Variants in GORASP2 observed in about 807,000 individuals in gnomAD.
GORASP2 encodes Golgi reassembly-stacking protein 2.
Under a neutral mutation model 45.7 loss-of-function variants are expected in GORASP2, and 22 were observed. The ratio of observed to expected loss-of-function variants is 0.48; its 90% CI spans 0.34 to 0.69. The LOEUF is 0.69. Ranked by LOEUF, GORASP2 falls within the 30% of genes least tolerant of loss-of-function variation. The pLI, the probability that GORASP2 is intolerant of heterozygous loss-of-function variation, is 0.01. For missense variants in GORASP2, 491 were observed against 562.7 expected, an observed-to-expected ratio of 0.87 and a Z score of 1.29; for synonymous variants, 221 against 215.6, an observed-to-expected ratio of 1.02 and a Z score of -0.22.
chr2:170,953,408 A>G (rs1704348046), intron 5 of GORASP2, among the ~76,000 whole-genome samples: 1 of 152,122 alleles, frequency 6.6e-6, no homozygotes. Context: ...GAAGTTGGCT[A>G]CTGCCTGCTC....
chr2:170,929,443 G>T, intron 1 of GORASP2, 40 bp downstream of exon 1: 1 of 1,324,494 alleles, frequency 7.6e-7, no homozygotes. Flanking sequence ...GCGGGCTGGA[G>T]GCGGGGCCGG....
chr2:170,966,277 TG>T lies in GORASP2; in HGVS notation c.*150del. 1.5e-6 allele frequency: 1 copy of T among 665,344 alleles called. No homozygotes were observed. The highest frequency in any genetic ancestry group is 2.7e-6 in the Non-Finnish European group (1 of 376,260). The allele number at this position is 665,344 out of a possible 1,614,324, so 41.2% of individuals were successfully genotyped here. On this transcript the variant is annotated 3_prime_UTR_variant, in exon 10 of 10. Coordinates refer to ENST00000234160, the MANE Select transcript of GORASP2 (RefSeq NM_015530.5). ...CCAAGGGGAAAACTAAACGAGGACG[TG>T]GGTTGTATCCTGCCAGGTTGAGTGG...
At position 170,936,404 on chromosome 2, in the gene GORASP2, G is replaced by A. The variant is rs964863115; in HGVS notation, c.63+7001G>A. On this transcript the variant is annotated intron_variant, in intron 1 of 9. Coordinates refer to ENST00000234160, the MANE Select transcript of GORASP2 (RefSeq NM_015530.5). ...GTCTAGCCAATTTTAAAATTTTTTTGTAGAGAGATCTTTCTATGTTGCCCA... is the reference window on the plus strand; with the variant it reads ...GTCTAGCCAATTTTAAAATTTTTTTATAGAGAGATCTTTCTATGTTGCCCA... Among the ~76,000 whole-genome samples the A allele has an allele frequency of 2.6e-5, 4 of 151,724 alleles. No individual in the cohort carries two copies. In the East Asian group the frequency reaches 5.8e-4, roughly 22 times the overall value.
chr2:170,931,518 A>G (rs1448681022), intron 1 of GORASP2, among the ~76,000 whole-genome samples: 2 of 152,214 alleles, frequency 1.3e-5, no homozygotes, highest in Non-Finnish European at 2.9e-5. Context: ...CCCATATTCA[A>G]CAAGTTCTAG....
At chr2:170,934,324 G>A (rs926154315) in intron 1 of GORASP2, among the ~76,000 whole-genome samples, 1 of 151,132 alleles carries the variant, frequency 6.6e-6, no homozygotes, top group Non-Finnish European at 1.5e-5. Context: ...TGCCCAGGCT[G>A]GAGTACAATG....
At chr2:170,944,863 G>A (rs1048625056) in intron 1 of GORASP2, among the ~76,000 whole-genome samples, 3 of 152,174 alleles carry the variant, frequency 2.0e-5, no homozygotes, top group African/African-American at 7.2e-5. Flanking sequence ...GTGATTAGAT[G>A]TGGGCTTTAT....
intron 1 of GORASP2, 36 bp downstream of exon 1, chr2:170,929,439 T>C: frequency 4.5e-6 from 6 of 1,336,798 alleles, no homozygotes; most frequent in Non-Finnish European, 5.8e-6. Context: ...AGCTGCGGGC[T>C]GGAGGCGGGG....
chr2:170,966,085 G>A lies in GORASP2; in HGVS notation c.1314G>A (p.Lys438=). 2 of 1,614,142 alleles carry A rather than the reference G, an allele frequency of 1.2e-6. No homozygotes were observed. The highest frequency in any genetic ancestry group is 1.7e-6 in the Non-Finnish European group (2 of 1,180,008). Residue 438 remains lysine (K), a synonymous_variant, in exon 10 of 10, where the codon AAG becomes AAA. Coordinates refer to ENST00000234160, the MANE Select transcript of GORASP2 (RefSeq NM_015530.5). ...RVGDSTPVSE[K]PVSAAVDANA... Reference sequence around the variant, plus strand: ...GCGACTCCACCCCAGTCAGCGAGAAGCCTGTTTCTGCGGCTGTGGATGCCA... The same window carrying A: ...GCGACTCCACCCCAGTCAGCGAGAAACCTGTTTCTGCGGCTGTGGATGCCA...
At chr2:170,948,710 T>A (rs1704232179) in intron 2 of GORASP2, 2 of 204,764 alleles carry the variant, frequency 9.8e-6, no homozygotes, top group African/African-American at 4.6e-5. Flanking sequence ...TGTAAAAGAT[T>A]GCTTTTTAAA....
chr2:170,942,310 C>T (rs1449869637), intron 1 of GORASP2, among the ~76,000 whole-genome samples: 3 of 152,148 alleles, frequency 2.0e-5, no homozygotes, highest in Admixed American at 6.5e-5. Flanking sequence ...CTGCAACCAT[C>T]ACCACTGCCT....
At chr2:170,936,914 A>T (rs116107522) in intron 1 of GORASP2, among the ~76,000 whole-genome samples, 5,692 of 152,078 alleles carry the variant, frequency 0.037, 310 homozygotes, top group African/African-American at 0.12. Flanking sequence ...TAATTTTTTT[A>T]AAAAAAATTT....
At chr2:170,935,766 G>T (rs577099600) in intron 1 of GORASP2, among the ~76,000 whole-genome samples, 18 of 151,946 alleles carry the variant, frequency 1.2e-4, no homozygotes, top group Non-Finnish European at 2.4e-4. Flanking sequence ...GGTAGAGATG[G>T]GTTTTTGCCA....
At chr2:170,929,221 CGGCTCTCCG>C, upstream of GORASP2, 1 of 739,524 alleles carries the variant, frequency 1.4e-6, no homozygotes, top group Non-Finnish European at 1.9e-6. Context: ...CTGTGCGGCC[CGGCTCTCCG>C]GCGGCAGCGA....
chr2:170,929,485 T>C, intron 1 of GORASP2, 82 bp downstream of exon 1: 1 of 1,080,282 alleles, frequency 9.3e-7, no homozygotes. Context: ...CATGGGCTCC[T>C]TCACGGGGCA....
intron 8 of GORASP2, 39 bp downstream of exon 8, chr2:170,961,788 A>G: frequency 1.1e-6 from 1 of 936,590 alleles, no homozygotes; most frequent in Non-Finnish European, 1.8e-6. Flanking sequence ...TGATAATAAC[A>G]GTATTACTGA....
intron 1 of GORASP2, among the ~76,000 whole-genome samples, chr2:170,945,100 T>A (rs1224073935): frequency 6.6e-6 from 1 of 152,132 alleles, no homozygotes; most frequent in Non-Finnish European, 1.5e-5. Context: ...ATATGCTATT[T>A]TGAGTCCTAG....
intron 7 of GORASP2, among the ~76,000 whole-genome samples, chr2:170,960,431 C>A (rs999385871): frequency 3.3e-5 from 5 of 152,200 alleles, no homozygotes; most frequent in Non-Finnish European, 5.9e-5. Context: ...TTTAGAATTC[C>A]TGTCTTAGAT....
At chr2:170,929,235 C>A, upstream of GORASP2, 1 of 860,324 alleles carries the variant, frequency 1.2e-6, no homozygotes, top group Non-Finnish European at 1.6e-6. Flanking sequence ...TCTCCGGCGG[C>A]AGCGAGTGCC....
chr2:170,933,529 C>T (rs1424863362), intron 1 of GORASP2, among the ~76,000 whole-genome samples: 2 of 152,080 alleles, frequency 1.3e-5, no homozygotes, highest in East Asian at 3.8e-4. Flanking sequence ...TTCAAACACC[C>T]TGTGTATGTG....
Sources: allele counts gnomAD v4.1 joint callset (sites outside exome capture counted in the v4.1 genomes callset), GRCh38; gene constraint gnomAD v4.1.1; transcripts MANE v1.5; gene names NCBI Gene and HGNC (gene_info 2026-07-23, HGNC 2026-07-21).